SNAPC1: variants seen among roughly 807,000 people sequenced by gnomAD.
The protein encoded by SNAPC1 is small nuclear RNA activating complex polypeptide 1, also known as snRNA-activating protein complex subunit 1.
A neutral mutation model predicts 50.1 loss-of-function variants in SNAPC1; 42 were observed. The ratio of observed to expected loss-of-function variants is 0.84; its 90% CI spans 0.65 to 1.08. The LOEUF is 1.08. Among genes scored for constraint, SNAPC1 ranks in the 50% least tolerant of loss-of-function variants. The pLI is 0.00. For synonymous variants in SNAPC1, 164 were observed against 144.2 expected (o/e 1.14, Z -0.98); for missense variants, 477 against 427.3 (o/e 1.12, Z -1.02).
intron 1 of SNAPC1, 66 bp from the exon 2 acceptor site, chr14:61,766,810 C>T (rs2044951364): frequency 1.1e-6 from 1 of 911,124 alleles, no homozygotes; most frequent in African/African-American, 1.7e-5. Flanking sequence ...CAAGTATATA[C>T]TTTTGGCTTT....
chr14:61,788,561 G>A (rs2045130622), intron 8 of SNAPC1, among the ~76,000 whole-genome samples: 1 of 152,088 alleles, frequency 6.6e-6, no homozygotes, highest in Admixed American at 6.5e-5. Context: ...ACAAATGCAG[G>A]CAGACAGTCA....
At chr14:61,775,066 T>G (rs75276565) in intron 4 of SNAPC1, among the ~76,000 whole-genome samples, 19,279 of 152,128 alleles carry the variant, frequency 0.13, 1,535 homozygotes, top group Non-Finnish European at 0.17. Flanking sequence ...CCATCTGTGA[T>G]GGAAGTGTCA....
intron 1 of SNAPC1, among the ~76,000 whole-genome samples, chr14:61,764,455 A>C (rs1490121151): frequency 2.0e-5 from 3 of 152,014 alleles, no homozygotes; most frequent in African/African-American, 7.2e-5. Flanking sequence ...TTTTTTTTAA[A>C]TGGCTACTAC....
At chr14:61,762,913 A>G (rs2044917443) in intron 1 of SNAPC1, among the ~76,000 whole-genome samples, 1 of 151,704 alleles carries the variant, frequency 6.6e-6, no homozygotes, top group Non-Finnish European at 1.5e-5. Flanking sequence ...CCTGATGTTT[A>G]AAAACACACA....
intron 4 of SNAPC1, among the ~76,000 whole-genome samples, chr14:61,769,020 G>A (rs987212165): frequency 1.3e-5 from 2 of 152,130 alleles, no homozygotes; most frequent in African/African-American, 4.8e-5. Flanking sequence ...CTTTAGTTAG[G>A]TCATAAAACA....
chr14:61,776,040 T>G (rs1005897252), intron 4 of SNAPC1, 55 bp from the exon 5 acceptor site: 28 of 1,452,808 alleles, frequency 1.9e-5, no homozygotes, highest in Non-Finnish European at 2.6e-5. Context: ...TGGTTTTGCC[T>G]TTTAGTTTCT....
chr14:61,777,860 GT>G (rs969737974), intron 5 of SNAPC1, among the ~76,000 whole-genome samples: 5 of 152,242 alleles, frequency 3.3e-5, no homozygotes, highest in African/African-American at 1.2e-4. Flanking sequence ...TACCACATGA[GT>G]TAGGAGGATT....
rs200916347 is a variant in SNAPC1, at chr14:61,766,937, C to A, written c.190C>A (p.Arg64=). The change falls in exon 2 of 10, where the codon CGA becomes AGA. Residue 64 remains arginine, a synonymous_variant. Transcript: ENST00000216294. The part of the protein sequence containing the change: ...FTKEALALAW[R]YFLPPYTFQI... ...AAAAGAAGCTTTAGCTTTGGCTTGG[C>A]GATATTTTTTACCTCCATACACCTT... 1.2e-6 allele frequency: 2 copies of A among 1,610,784 alleles called. No individual in the cohort carries two copies. Among genetic ancestry groups the A allele is most frequent in the Admixed American group, 1.7e-5 (1 of 59,990 alleles).
chr14:61,769,282 A>G (rs1405874077), intron 4 of SNAPC1, among the ~76,000 whole-genome samples: 1 of 151,728 alleles, frequency 6.6e-6, no homozygotes, highest in Non-Finnish European at 1.5e-5. Flanking sequence ...CACAAACCCC[A>G]GAGGTAGAGG....
intron 6 of SNAPC1, among the ~76,000 whole-genome samples, chr14:61,778,624 A>G (rs964831678): frequency 2.0e-5 from 3 of 152,312 alleles, no homozygotes; most frequent in Non-Finnish European, 4.4e-5. Context: ...CTGAATGAAA[A>G]TGATCTCTAA....
At chr14:61,763,470 C>T (rs1459218808) in intron 1 of SNAPC1, among the ~76,000 whole-genome samples, 1 of 143,182 alleles carries the variant, frequency 7.0e-6, no homozygotes, top group Non-Finnish European at 1.5e-5. Context: ...CACTCACTTT[C>T]TTGCTCCAGC....
chr14:61,768,647 G>T lies in SNAPC1; in HGVS notation c.441G>T (p.Arg147Ser). Reference sequence around the variant, plus strand: ...GTATTATCACATAGCTGTCATATAGGATGAAGAAAAAAATTCACCGAGCTG... The same window carrying T: ...GTATTATCACATAGCTGTCATATAGTATGAAGAAAAAAATTCACCGAGCTG... ...FTAMPKLLSY[R>S]MKKKIHRAEV... The change falls in exon 4 of 10, where the codon AGG (arginine) becomes AGT (serine). Residue 147 changes from arginine (R) to serine (S), a missense_variant. Arg to Ser is a moderately radical substitution (Grantham distance 110, BLOSUM62 -1). Coordinates refer to ENST00000216294, the MANE Select transcript of SNAPC1 (RefSeq NM_003082.4). 1 of 1,588,658 alleles carries T rather than the reference G, an allele frequency of 6.3e-7. No homozygotes were observed.
At chr14:61,775,985 T>A (rs1445926744) in intron 4 of SNAPC1, 110 bp from the exon 5 acceptor site, 1 of 708,268 alleles carries the variant, frequency 1.4e-6, no homozygotes, top group Non-Finnish European at 2.3e-6. Flanking sequence ...TAGCATGTTA[T>A]TACCTATCAA....
intron 8 of SNAPC1, among the ~76,000 whole-genome samples, chr14:61,790,259 C>T (rs1381207254): frequency 6.6e-6 from 1 of 152,144 alleles, no homozygotes; most frequent in Non-Finnish European, 1.5e-5. Flanking sequence ...CTCACCATTC[C>T]TCGAATATAA....
intron 7 of SNAPC1, among the ~76,000 whole-genome samples, chr14:61,780,379 A>T (rs1351269801): frequency 6.6e-6 from 1 of 151,976 alleles, no homozygotes; most frequent in African/African-American, 2.4e-5. Context: ...TGTACAGGAG[A>T]TCAGTTGCCT....
rs780820355 is a variant in SNAPC1 at position 61,767,329 on chromosome 14, C to T, written c.406C>T (p.His136Tyr). 1 of 1,481,304 alleles carries T rather than the reference C, an allele frequency of 6.8e-7. No homozygotes were observed. Among genetic ancestry groups the T allele is most frequent in the Non-Finnish European group, 9.0e-7 (1 of 1,112,834 alleles). 91.8% of individuals were successfully genotyped at this position (1,481,304 alleles called of 1,614,324 possible). The change falls in exon 3 of 10, where the codon CAC (histidine) becomes TAC (tyrosine). Residue 136 changes from histidine to tyrosine, a missense_variant. By Grantham distance (83) the His-to-Tyr change is moderately conservative. Coordinates refer to ENST00000216294, the MANE Select transcript of SNAPC1 (RefSeq NM_003082.4). ...GAAGCTACGACTAGACAGAGCATTT[C>T]ACTTTACAGCAATGCCCAAATTGGT... Reference protein sequence around the residue: ...FRKLRLDRAFHFTAMPKLLSY... With the variant: ...FRKLRLDRAFYFTAMPKLLSY...
chr14:61,764,715 C>T (rs984637481), intron 1 of SNAPC1, among the ~76,000 whole-genome samples: 2 of 152,098 alleles, frequency 1.3e-5, no homozygotes, highest in African/African-American at 4.8e-5. Flanking sequence ...AAAAATGTAA[C>T]ATTTACATTT....
chr14:61,782,255 A>T lies in SNAPC1; in HGVS notation c.834A>T (p.Lys278Asn), dbSNP rs759834757. 6.3e-7 allele frequency: 1 copy of T among 1,593,462 alleles called. No individual in the cohort carries two copies. The highest frequency in any genetic ancestry group is 8.5e-7 in the Non-Finnish European group (1 of 1,173,852). ...GGATTGTAACTCTTAAGGCATCCAAATCAAGAAGGCATCGTCAAGTCAAAC... is the reference window on the plus strand; with the variant it reads ...GGATTGTAACTCTTAAGGCATCCAATTCAAGAAGGCATCGTCAAGTCAAAC... ...KAFSVVIQAS[K>N]SRRHRQVKLD... Residue 278 changes from lysine to asparagine, a missense_variant, in exon 8 of 10, where the codon AAA becomes AAT. Physicochemically the swap from Lys to Asn is moderately conservative, Grantham distance 94. Transcript: ENST00000216294.
intron 4 of SNAPC1, 50 bp from the exon 5 acceptor site, chr14:61,776,044 AG>A: frequency 6.8e-7 from 1 of 1,468,066 alleles, no homozygotes; most frequent in Non-Finnish European, 9.2e-7. Context: ...TTTGCCTTTT[AG>A]TTTCTCCTCA....
Sources: allele counts gnomAD v4.1 joint callset (sites outside exome capture counted in the v4.1 genomes callset), GRCh38; gene constraint gnomAD v4.1.1; transcripts MANE v1.5; gene names NCBI Gene and HGNC (gene_info 2026-07-23, HGNC 2026-07-21).